Variants in NEB observed in about 807,000 individuals in gnomAD.
The protein encoded by NEB is nebulin, also known as nemaline myopathy type 2.
Under a neutral mutation model 952.2 loss-of-function variants are expected in NEB, and 512 were observed. The ratio of observed to expected loss-of-function variants is 0.54; its 90% confidence interval spans 0.50 to 0.58. The LOEUF (loss-of-function observed/expected upper bound fraction) is 0.58. NEB is among the 20% of genes least tolerant of loss of function. NEB has a pLI of 0.00. For missense variants in NEB, 8,428 were observed against 9,231.1 expected, an observed-to-expected ratio of 0.91 and a Z score of 3.56; for synonymous variants, 2,900 against 3,149.8, an observed-to-expected ratio of 0.92 and a Z score of 2.66.
In NEB at chr2:151,633,935, G is replaced by A. The variant is rs533898172; in HGVS notation, c.9133C>T (p.Leu3045Phe). ...YKYKDGYCKQ[L>F]GHHIGARNIE... Reference sequence around the variant, plus strand: ...TTCCGGGCTCCAATATGGTGGCCAAGTTGCTTGCAGTAACCATCTTTATAT... The same window carrying A: ...TTCCGGGCTCCAATATGGTGGCCAAATTGCTTGCAGTAACCATCTTTATAT... Residue 3045 changes from leucine to phenylalanine, a missense_variant, in exon 65 of 182, where the codon CTT (leucine) becomes TTT (phenylalanine). Around this residue, in one of 11 missense-constraint regions of NEB, gnomAD observed 1,772 missense variants for 1,960.3 expected, o/e 0.90. Coordinates refer to ENST00000397345, the MANE Select transcript of NEB (RefSeq NM_001164508.2). 175 of 1,613,670 alleles carry A rather than the reference G, an allele frequency of 1.1e-4. 1 individual carries two copies. The South Asian group carries it at 1.6e-3, about 15-fold the overall frequency.
At position 151,575,257 on chromosome 2, in the gene NEB, G is replaced by T. The variant is rs538486421; in HGVS notation, c.17013+438C>A. Among the ~76,000 whole-genome samples, 17 of 151,868 alleles carry T rather than the reference G, an allele frequency of 1.1e-4. No individual in the cohort carries two copies. In the South Asian group the frequency reaches 2.3e-3, roughly 20 times the overall value. On this transcript the variant is annotated intron_variant, in intron 107 of 181. Transcript: ENST00000397345. ...TTAATTTCTTGCTGTATGTTTTTTGGTTTTTTCTCCTTGGGTCAATTTTGG... is the reference window on the plus strand; with the variant it reads ...TTAATTTCTTGCTGTATGTTTTTTGTTTTTTTCTCCTTGGGTCAATTTTGG...
In NEB at chr2:151,710,555, G is replaced by T. The variant is rs1293065496; in HGVS notation, c.823-17C>A. The T allele has an allele frequency of 1.3e-6, 2 of 1,483,992 alleles. No individual in the cohort carries two copies. Among genetic ancestry groups the T allele is most frequent in the Admixed American group, 1.7e-5 (1 of 57,760 alleles). 91.9% of individuals were successfully genotyped at this position (1,483,992 alleles called of 1,614,324 possible). On this transcript the variant is annotated splice_polypyrimidine_tract_variant and intron_variant, in intron 10 of 181. Coordinates refer to ENST00000397345, the MANE Select transcript of NEB (RefSeq NM_001164508.2). ...GTATTTTTGCTAGAAAAAAGAAAAAGAAAATAAGACAAGCATAACTCATGA... is the reference window on the plus strand; with the variant it reads ...GTATTTTTGCTAGAAAAAAGAAAAATAAAATAAGACAAGCATAACTCATGA...
chr2:151,724,956 C>T lies in NEB; in HGVS notation c.408G>A (p.Lys136=), dbSNP rs781228798. The stretch of plus-strand genomic sequence containing the variant: ...TAGCAACATCACCATCCATTCGATA[C>T]TTAACCTGCCCAAATAATGCACAGT... ...KKVQDQLSEV[K]YRMDGDVAKT... The change falls in exon 7 of 182, where the codon AAG becomes AAA. Residue 136 remains lysine (K), a synonymous_variant. Transcript: ENST00000397345. 8.1e-6 allele frequency: 13 copies of T among 1,612,752 alleles called. No homozygotes were observed. The highest frequency in any genetic ancestry group is 2.2e-5 in the East Asian group (1 of 44,888).
rs1559150482 is a variant in NEB, at chr2:151,678,008, A to ATTGAACATATCATGGGGCGTG, written c.3414_3434dup (p.Thr1139_Asn1145dup). 4 of 1,613,978 alleles carry ATTGAACATATCATGGGGCGTG rather than the reference A, an allele frequency of 2.5e-6. No individual in the cohort carries two copies. The highest frequency in any genetic ancestry group is 3.4e-6 in the Non-Finnish European group (4 of 1,179,890). Reference sequence around the variant, plus strand: ...CCTGGGCTTTCTTAGCCGCCACGACATTGAACATATCATGGGGCGTGTTGT... The same window carrying ATTGAACATATCATGGGGCGTG: ...CCTGGGCTTTCTTAGCCGCCACGACATTGAACATATCATGGGGCGTGTTGAACATATCATGGGGCGTGTTGT... On this transcript the variant is annotated inframe_insertion, in exon 33 of 182. Transcript: ENST00000397345.
rs776746330 is a variant in NEB at position 151,724,889 on chromosome 2, G to A, written c.475C>T (p.His159Tyr). 1.4e-5 allele frequency: 22 copies of A among 1,613,750 alleles called. No individual in the cohort carries two copies. Among genetic ancestry groups the A allele is most frequent in the Non-Finnish European group, 1.7e-5 (20 of 1,179,806 alleles). The change falls in exon 7 of 182, where the codon CAT (histidine) becomes TAT (tyrosine). Residue 159 changes from histidine to tyrosine, a missense_variant. His to Tyr is a moderately conservative substitution (Grantham distance 83). Transcript: ENST00000397345. Reference sequence around the variant, plus strand: ...ACTTGCTGCGACACTTTCTTTGCATGTTCAATATCCTTTGCTTTTTCATCT... The same window carrying A: ...ACTTGCTGCGACACTTTCTTTGCATATTCAATATCCTTTGCTTTTTCATCT... ...HVDEKAKDIE[H>Y]AKKVSQQVSK...
intron 135 of NEB, among the ~76,000 whole-genome samples, chr2:151,544,645 A>G (rs943060198): frequency 7.2e-5 from 11 of 152,254 alleles, no homozygotes; most frequent in African/African-American, 2.2e-4. Flanking sequence ...AATTGGCTCA[A>G]TGTTGCATTT....
At chr2:151,626,599 C>A (rs992772701) in intron 70 of NEB, among the ~76,000 whole-genome samples, 1 of 151,752 alleles carries the variant, frequency 6.6e-6, no homozygotes, top group Non-Finnish European at 1.5e-5. Flanking sequence ...TGCAGTGGCG[C>A]GATCTCAGCT....
intron 146 of NEB, 151 bp downstream of exon 146, chr2:151,529,059 T>G (rs2088674455): frequency 3.0e-6 from 2 of 659,510 alleles, no homozygotes; most frequent in Admixed American, 5.7e-5. Flanking sequence ...CATTTATATT[T>G]TAGCATCATT....
intron 65 of NEB, 28 bp from the exon 66 acceptor site, chr2:151,631,374 C>T (rs1357682311): frequency 1.9e-6 from 3 of 1,592,772 alleles, no homozygotes; most frequent in Non-Finnish European, 2.6e-6. Context: ...GTCAAAAACT[C>T]TTCATCAAGA....
chr2:151,581,403 A>T (rs981589847), intron 103 of NEB, 80 bp downstream of exon 103: 1 of 400,880 alleles, frequency 2.5e-6, no homozygotes, highest in African/African-American at 4.0e-5. Flanking sequence ...GCCTTTTGAC[A>T]AACTCTCTTT....
rs1440167063 is a variant in NEB, at chr2:151,511,728, ACTTTT to A, written c.23346+1000_23346+1004del. On this transcript the variant is annotated intron_variant, in intron 161 of 181. Transcript: ENST00000397345. The stretch of plus-strand genomic sequence containing the variant: ...TATCCCAGGGTGTGAAGGATGGCCT[ACTTTT>A]CTTCATCTCTCTATTTGTAGGAAGA... 2.6e-5 allele frequency among the ~76,000 whole-genome samples: 4 copies of A among 152,194 alleles called. No homozygotes were observed. In the East Asian group the frequency reaches 7.7e-4, roughly 29 times the overall value.
At position 151,639,285 on chromosome 2, in the gene NEB, T is replaced by C; in HGVS notation, c.8989A>G (p.Ser2997Gly). Residue 2997 changes from serine to glycine, a missense_variant, in exon 63 of 182, where the codon AGT becomes GGT. Physicochemically the swap from Ser to Gly is moderately conservative, Grantham distance 56. Transcript: ENST00000397345. ...GTCAAAGAATCTGCTCTCACCTCAC[T>C]GTAGTTGATTTTGTTCATTCTTGCC... ...MLARMNKINY[S>G]ESLYKLANEE... is the part of the protein sequence containing the mutation. The C allele has an allele frequency of 5.9e-6, 9 of 1,537,678 alleles. No homozygotes were observed. The highest frequency in any genetic ancestry group is 7.9e-6 in the Non-Finnish European group (9 of 1,143,882).
intron 116 of NEB, 52 bp downstream of exon 116, chr2:151,565,449 A>T (rs2096316147): frequency 1.6e-6 from 2 of 1,223,618 alleles, no homozygotes; most frequent in Admixed American, 3.9e-5. Context: ...ACCCAATGAT[A>T]GACAATTTAC....
intron 55 of NEB, 60 bp from the exon 56 acceptor site, chr2:151,644,635 A>T (rs2098930802): frequency 7.6e-7 from 1 of 1,319,104 alleles, no homozygotes; most frequent in African/African-American, 1.4e-5. Context: ...ATATAGCATA[A>T]TGATCAAATG....
intron 145 of NEB, 84 bp downstream of exon 145, chr2:151,530,909 GA>G: frequency 1.2e-6 from 1 of 836,352 alleles, no homozygotes; most frequent in Non-Finnish European, 1.9e-6. Context: ...TGTTACACAG[GA>G]ATAGATAACT....
chr2:151,610,939 C>T (rs1560402457), intron 78 of NEB, 73 bp from the exon 79 acceptor site: 1 of 909,464 alleles, frequency 1.1e-6, no homozygotes, highest in East Asian at 2.7e-5. Flanking sequence ...CCAATAACAT[C>T]ATTACAGTTG....
intron 179 of NEB, 45 bp downstream of exon 179, chr2:151,491,638 C>G (rs780363822): frequency 5.6e-6 from 8 of 1,425,862 alleles, no homozygotes; most frequent in Non-Finnish European, 6.8e-6. Flanking sequence ...CTCTAGCATA[C>G]TAAATGGTGA....
In NEB at chr2:151,527,506, G is replaced by A. The variant is rs760348264; in HGVS notation, c.21815C>T (p.Ala7272Val). The A allele has an allele frequency of 1.2e-6, 2 of 1,613,306 alleles. No individual in the cohort carries two copies. The highest frequency in any genetic ancestry group is 1.7e-6 in the Non-Finnish European group (2 of 1,179,582). ...ATCGCTTTGCTGCAGGGATGACTTG[G>A]CAGCCTGGAGGAAGTCCGGTCGGTC... Reference protein sequence around the residue: ...TPDRPDFLQAAKSSLQQSDFE... With the variant: ...TPDRPDFLQAVKSSLQQSDFE... The change falls in exon 147 of 182, where the codon GCC becomes GTC. Residue 7272 changes from alanine to valine, a missense_variant. This residue lies in a region of NEB where 3,374 missense variants were observed against 3,651.5 expected (regional missense o/e 0.92). Transcript: ENST00000397345.
intron 66 of NEB, 132 bp from the exon 67 acceptor site, chr2:151,630,951 G>C: frequency 8.8e-7 from 1 of 1,136,910 alleles, no homozygotes; most frequent in Non-Finnish European, 1.2e-6. Flanking sequence ...TCTACTGGAA[G>C]TGTGAGTCTT....
Sources: allele counts gnomAD v4.1 joint callset (sites outside exome capture counted in the v4.1 genomes callset), GRCh38; gene constraint gnomAD v4.1.1; regional missense constraint gnomAD v4.1.1; transcripts MANE v1.5; gene names NCBI Gene and HGNC (gene_info 2026-07-23, HGNC 2026-07-21).